NIN: variants seen among roughly 807,000 people sequenced by gnomAD.
The protein encoded by NIN is glycogen synthase kinase 3 beta-interacting protein.
NIN carries 137 observed loss-of-function variants against 257.6 expected under a neutral mutation model. That is an observed-to-expected ratio of 0.53 (90% confidence interval 0.46 to 0.61). The LOEUF is 0.61. Ranked by LOEUF, NIN falls within the 20% of genes least tolerant of loss-of-function variation. The pLI is 0.00. For missense variants in NIN, 2,439 were observed against 2,501.2 expected, an observed-to-expected ratio of 0.98 and a Z score of 0.53; for synonymous variants, 918 against 919.8, an observed-to-expected ratio of 1.00 and a Z score of 0.04.
intron 4 of NIN, among the ~76,000 whole-genome samples, chr14:50,798,430 C>T (rs546938440): frequency 6.6e-6 from 1 of 152,272 alleles, no homozygotes; most frequent in East Asian, 1.9e-4. Flanking sequence ...CCGAAGGTGC[C>T]TAAGCTGGTG....
intron 20 of NIN, 75 bp downstream of exon 20, chr14:50,754,488 G>T: frequency 1.6e-6 from 2 of 1,228,828 alleles, no homozygotes; most frequent in Non-Finnish European, 2.3e-6. Flanking sequence ...ACCGTGTGCT[G>T]TAAATTTATA....
At chr14:50,770,066 G>A (rs1174168832) in intron 12 of NIN, among the ~76,000 whole-genome samples, 3 of 152,180 alleles carry the variant, frequency 2.0e-5, no homozygotes, top group African/African-American at 2.4e-5. Flanking sequence ...GGATCTGAGG[G>A]TGAGGGCCAG....
intron 4 of NIN, among the ~76,000 whole-genome samples, chr14:50,801,872 A>C (rs940392137): frequency 6.6e-6 from 1 of 152,180 alleles, no homozygotes; most frequent in Non-Finnish European, 1.5e-5. Flanking sequence ...CCCCATGAAT[A>C]AACAAAGAGA....
At chr14:50,789,727 A>G (rs562535909) in intron 5 of NIN, among the ~76,000 whole-genome samples, 130 of 152,226 alleles carry the variant, frequency 8.5e-4, no homozygotes, top group Admixed American at 1.2e-3. Flanking sequence ...AGGCAAGATC[A>G]CTGGGTCTCC....
intron 7 of NIN, 54 bp from the exon 8 acceptor site, chr14:50,773,149 A>G: frequency 9.0e-6 from 13 of 1,439,970 alleles, no homozygotes; most frequent in Admixed American, 3.5e-5. Context: ...TACAAGGCCC[A>G]AAGTATACTT....
At chr14:50,732,178 G>A (rs1328282078) in intron 28 of NIN, among the ~76,000 whole-genome samples, 4 of 152,264 alleles carry the variant, frequency 2.6e-5, no homozygotes, top group East Asian at 3.9e-4. Flanking sequence ...TGTTAAACTA[G>A]TATATAGAGA....
chr14:50,752,880 CTCATTAT>C, intron 20 of NIN, 147 bp from the exon 21 acceptor site: 1 of 511,654 alleles, frequency 2.0e-6, no homozygotes, highest in Non-Finnish European at 3.3e-6. Flanking sequence ...ATAATACACA[CTCATTAT>C]TACAAATTCA....
Position 50,757,096 on chromosome 14 carries a change from C to T in NIN, c.3934G>A (p.Asp1312Asn), listed in dbSNP as rs374953535. 43 of 1,613,126 alleles carry T rather than the reference C, an allele frequency of 2.7e-5. No homozygotes were observed. Among genetic ancestry groups the T allele is most frequent in the Middle Eastern group, 1.6e-4 (1 of 6,078 alleles). ...ETFLSLEKSY[D>N]EVKIENEGLN... ...CCCTCATTTTCTATTTTGACCTCAT[C>T]GTAACTCTTTTCCAGGCTGAGGAAT... Residue 1312 changes from aspartate (D) to asparagine (N), a missense_variant, in exon 18 of 31, where the codon GAT becomes AAT. Physicochemically the swap from Asp to Asn is conservative, Grantham distance 23. Coordinates refer to ENST00000530997, the MANE Select transcript of NIN (RefSeq NM_020921.4).
chr14:50,721,426 G>A lies in NIN; in HGVS notation c.*2037C>T, dbSNP rs1365413832. On this transcript the variant is annotated 3_prime_UTR_variant, in exon 31 of 31. Coordinates refer to ENST00000530997, the MANE Select transcript of NIN (RefSeq NM_020921.4). Reference sequence around the variant, plus strand: ...CAACCGTGATCACATGCTAAGGCCAGCTATCTGGGAAATATTATTGTTCAG... The same window carrying A: ...CAACCGTGATCACATGCTAAGGCCAACTATCTGGGAAATATTATTGTTCAG... 1 of 216,224 alleles carries A rather than the reference G, an allele frequency of 4.6e-6. No homozygotes were observed. The highest frequency in any genetic ancestry group is 9.3e-6 in the Non-Finnish European group (1 of 107,324). 13.4% of individuals were successfully genotyped at this position (216,224 alleles called of 1,614,324 possible).
intron 5 of NIN, among the ~76,000 whole-genome samples, chr14:50,783,953 AG>A (rs1566843456): frequency 7.0e-6 from 1 of 143,422 alleles, no homozygotes; most frequent in Admixed American, 6.7e-5. Flanking sequence ...TTGGAAAAGT[AG>A]GGGGGAAAGC....
At chr14:50,823,273 A>T (rs2045317674) in intron 2 of NIN, 1 of 576,052 alleles carries the variant, frequency 1.7e-6, no homozygotes, top group African/African-American at 1.9e-5. Flanking sequence ...GCCAAACACG[A>T]CATACACCCT....
chr14:50,811,544 C>CTTTTTTT (rs55734117), intron 3 of NIN, among the ~76,000 whole-genome samples: 30 of 75,296 alleles, frequency 4.0e-4, no homozygotes, highest in South Asian at 5.0e-4. Flanking sequence ...AATGGTCAAG[C>CTTTTTTT]TTTTTTTTTT....
intron 14 of NIN, 46 bp downstream of exon 14, chr14:50,766,261 G>A: frequency 1.3e-6 from 2 of 1,495,422 alleles, no homozygotes; most frequent in East Asian, 2.3e-5. Context: ...GCTGGGGTCT[G>A]AACCCAGGCA....
intron 5 of NIN, among the ~76,000 whole-genome samples, chr14:50,780,441 T>C (rs942895227): frequency 2.6e-5 from 4 of 152,226 alleles, no homozygotes; most frequent in African/African-American, 7.2e-5. Context: ...AGAACTTGGA[T>C]TCCTCATGAC....
chr14:50,820,402 T>C (rs181600596), intron 3 of NIN, among the ~76,000 whole-genome samples: 144 of 152,306 alleles, frequency 9.5e-4, no homozygotes, highest in Middle Eastern at 3.4e-3. Context: ...ACGCAGACTC[T>C]AAGAAAACCA....
chr14:50,802,300 G>T (rs1040820191), intron 4 of NIN, among the ~76,000 whole-genome samples: 2 of 151,954 alleles, frequency 1.3e-5, no homozygotes, highest in Non-Finnish European at 2.9e-5. Context: ...TATAAAAATT[G>T]CTTTTTAGGG....
intron 15 of NIN, 62 bp downstream of exon 15, chr14:50,763,764 T>G (rs527240530): frequency 2.7e-6 from 4 of 1,462,242 alleles, no homozygotes; most frequent in East Asian, 2.3e-5. Context: ...AATTTTATAT[T>G]GAACCACGTT....
chr14:50,800,577 C>G (rs1409127223), intron 4 of NIN, among the ~76,000 whole-genome samples: 1 of 152,124 alleles, frequency 6.6e-6, no homozygotes, highest in East Asian at 1.9e-4. Flanking sequence ...AGCATAAAAT[C>G]TGAGAGTAGC....
At chr14:50,754,246 A>G (rs1225746576) in intron 20 of NIN, among the ~76,000 whole-genome samples, 1 of 152,222 alleles carries the variant, frequency 6.6e-6, no homozygotes, top group Non-Finnish European at 1.5e-5. Context: ...AAGGGCTAAC[A>G]TTAACTGAAA....
Sources: allele counts gnomAD v4.1 joint callset (sites outside exome capture counted in the v4.1 genomes callset), GRCh38; gene constraint gnomAD v4.1.1; transcripts MANE v1.5; gene names NCBI Gene and HGNC (gene_info 2026-07-23, HGNC 2026-07-21).